SLC13A1: variants seen among roughly 807,000 people sequenced by gnomAD.
SLC13A1 encodes solute carrier family 13 member 1, also known as Na(+)/sulfate cotransporter.
A neutral mutation model predicts 70.0 loss-of-function variants in SLC13A1; 65 were observed. The ratio of observed to expected loss-of-function variants is 0.93; its 90% CI spans 0.76 to 1.14. SLC13A1 has a LOEUF of 1.14. SLC13A1 is among the 50% of genes most tolerant of loss of function. The pLI is 0.00. For synonymous variants in SLC13A1, 275 were observed against 250.5 expected (o/e 1.10, Z -0.92); for missense variants, 726 against 717.8 (o/e 1.01, Z -0.13).
intron 1 of SLC13A1, among the ~76,000 whole-genome samples, chr7:123,198,501 A>G (rs1389396611): frequency 1.3e-5 from 2 of 152,142 alleles, no homozygotes; most frequent in East Asian, 3.9e-4. Flanking sequence ...AGACCTCAGC[A>G]CAAGGAGAGA....
chr7:123,196,470 T>C (rs753105435), intron 1 of SLC13A1, among the ~76,000 whole-genome samples: 1 of 152,054 alleles, frequency 6.6e-6, no homozygotes, highest in African/African-American at 2.4e-5. Flanking sequence ...CAGAAGTTGG[T>C]TGGAAAAATC....
Position 123,119,069 on chromosome 7 carries a change from T to C in SLC13A1, c.1512+12A>G. The stretch of plus-strand genomic sequence containing the variant: ...TAATGAAGAGTAAAAAGGGGATAAA[T>C]GAGATACTCACCAATGGAGATAATA... On this transcript the variant is annotated intron_variant, in intron 13 of 14. Transcript: ENST00000194130. 6.2e-7 allele frequency: 1 copy of C among 1,600,282 alleles called. No homozygotes were observed.
chr7:123,199,294 G>A (rs1018752784), intron 1 of SLC13A1, among the ~76,000 whole-genome samples: 1 of 152,082 alleles, frequency 6.6e-6, no homozygotes, highest in African/African-American at 2.4e-5. Context: ...TCAGAACATG[G>A]TAAATGCTTT....
chr7:123,121,018 T>C (rs1207412946), intron 12 of SLC13A1, among the ~76,000 whole-genome samples: 1 of 152,090 alleles, frequency 6.6e-6, no homozygotes, highest in African/African-American at 2.4e-5. Flanking sequence ...TGTGTTATTT[T>C]GTGGAAATGT....
At chr7:123,177,865 G>C (rs532878570) in intron 2 of SLC13A1, among the ~76,000 whole-genome samples, 1 of 152,012 alleles carries the variant, frequency 6.6e-6, no homozygotes, top group African/African-American at 2.4e-5. Context: ...ATCAGATACA[G>C]TGTTCATTGC....
intron 7 of SLC13A1, among the ~76,000 whole-genome samples, chr7:123,138,266 A>G (rs1025938026): frequency 1.3e-5 from 2 of 152,164 alleles, no homozygotes; most frequent in Non-Finnish European, 2.9e-5. Context: ...TTATGGCTAA[A>G]CAGTATTCCA....
intron 1 of SLC13A1, among the ~76,000 whole-genome samples, chr7:123,184,672 AGTGT>A (rs149859642): frequency 5.3e-5 from 8 of 150,062 alleles, no homozygotes; most frequent in Non-Finnish European, 1.2e-4. Flanking sequence ...TGCATGTGTG[AGTGT>A]GTGTGTGTGT....
intron 11 of SLC13A1, 85 bp from the exon 12 acceptor site, chr7:123,123,320 C>T (rs879189872): frequency 5.9e-6 from 5 of 848,376 alleles, no homozygotes; most frequent in Non-Finnish European, 1.0e-5. Flanking sequence ...AGCCATCTTA[C>T]AGGAAGTTTG....
At chr7:123,117,741 T>C in intron 13 of SLC13A1, 133 bp from the exon 14 acceptor site, 1 of 500,844 alleles carries the variant, frequency 2.0e-6, no homozygotes, top group South Asian at 5.0e-5. Context: ...ATATAAATTA[T>C]TGCAGTTATA....
chr7:123,132,772 T>G (rs968702712), intron 8 of SLC13A1, among the ~76,000 whole-genome samples: 1 of 152,190 alleles, frequency 6.6e-6, no homozygotes, highest in Non-Finnish European at 1.5e-5. Flanking sequence ...GTTTTGTTTT[T>G]CAGGAAAAAA....
At chr7:123,155,046 T>C (rs1794667205) in intron 6 of SLC13A1, among the ~76,000 whole-genome samples, 1 of 152,094 alleles carries the variant, frequency 6.6e-6, no homozygotes, top group African/African-American at 2.4e-5. Flanking sequence ...AATTAGTGTT[T>C]CTTCCTTTTT....
chr7:123,180,182 G>A (rs987598143), intron 2 of SLC13A1, among the ~76,000 whole-genome samples: 3 of 152,208 alleles, frequency 2.0e-5, no homozygotes, highest in African/African-American at 4.8e-5. Context: ...GAAGAAGGAC[G>A]TGAAAATAAA....
At chr7:123,161,906 G>T (rs565800653) in intron 6 of SLC13A1, among the ~76,000 whole-genome samples, 1 of 151,998 alleles carries the variant, frequency 6.6e-6, no homozygotes, top group Admixed American at 6.6e-5. Flanking sequence ...CTGGGATGTG[G>T]TATACATTAT....
At chr7:123,178,423 T>A (rs1337068004) in intron 2 of SLC13A1, among the ~76,000 whole-genome samples, 1 of 152,094 alleles carries the variant, frequency 6.6e-6, no homozygotes, top group Non-Finnish European at 1.5e-5. Context: ...TTTAAAACTC[T>A]CAAAACAAAT....
intron 8 of SLC13A1, among the ~76,000 whole-genome samples, chr7:123,134,173 A>G (rs1379142033): frequency 2.0e-5 from 3 of 152,150 alleles, no homozygotes; most frequent in Non-Finnish European, 2.9e-5. Context: ...GATTATAGGC[A>G]TGAGCCACCG....
chr7:123,154,817 T>C (rs1209388905), intron 6 of SLC13A1, among the ~76,000 whole-genome samples: 2 of 152,092 alleles, frequency 1.3e-5, no homozygotes, highest in Non-Finnish European at 2.9e-5. Flanking sequence ...TTTCAGGGCC[T>C]CCTTTCCTGT....
chr7:123,123,911 C>T (rs565714074), intron 11 of SLC13A1, among the ~76,000 whole-genome samples: 45 of 152,238 alleles, frequency 3.0e-4, no homozygotes, highest in Non-Finnish European at 4.9e-4. Context: ...TTGTGTATAA[C>T]AGGCAGCCTT....
chr7:123,182,097 A>C (rs894735670), intron 1 of SLC13A1, among the ~76,000 whole-genome samples: 29 of 152,142 alleles, frequency 1.9e-4, no homozygotes, highest in African/African-American at 6.8e-4. Flanking sequence ...TTATCTATTT[A>C]AAGGAGAAAG....
At chr7:123,173,947 A>C (rs1024596152) in intron 2 of SLC13A1, among the ~76,000 whole-genome samples, 12 of 148,130 alleles carry the variant, frequency 8.1e-5, no homozygotes, top group African/African-American at 2.7e-4. Context: ...TTAATTTGCC[A>C]GTGCTTCCAG....
Sources: allele counts gnomAD v4.1 joint callset (sites outside exome capture counted in the v4.1 genomes callset), GRCh38; gene constraint gnomAD v4.1.1; transcripts MANE v1.5; gene names NCBI Gene and HGNC (gene_info 2026-07-23, HGNC 2026-07-21).